NCKAP5: variants seen among roughly 807,000 people sequenced by gnomAD.
The protein encoded by NCKAP5 is nck-associated protein 5.
A neutral mutation model predicts 167.0 loss-of-function variants in NCKAP5; 92 were observed. The observed-to-expected ratio is 0.55, with a 90% CI of 0.47 to 0.66. The LOEUF (loss-of-function observed/expected upper bound fraction) is 0.66. NCKAP5 is among the 30% of genes least tolerant of loss of function. NCKAP5 has a pLI of 0.00. For missense variants in NCKAP5, 2,378 were observed against 2,315.0 expected (o/e 1.03, Z -0.56); for synonymous variants, 891 against 877.4 (o/e 1.02, Z -0.27).
chr2:133,032,660 G>A (rs1249092726), intron 6 of NCKAP5, among the ~76,000 whole-genome samples: 1 of 152,208 alleles, frequency 6.6e-6, no homozygotes, highest in Non-Finnish European at 1.5e-5. Flanking sequence ...TCTCGGGCGA[G>A]ACCCAGTGCT....
chr2:133,280,236 C>T (rs2150458902), intron 4 of NCKAP5, among the ~76,000 whole-genome samples: 1 of 152,146 alleles, frequency 6.6e-6, no homozygotes, highest in East Asian at 1.9e-4. Context: ...AAAGTTTGTC[C>T]AAATCCATCA....
chr2:133,504,870 A>G (rs925709083), intron 3 of NCKAP5, among the ~76,000 whole-genome samples: 2 of 151,912 alleles, frequency 1.3e-5, no homozygotes, highest in Non-Finnish European at 2.9e-5. Flanking sequence ...TTTTCCCCCT[A>G]TCGGAGCAAA....
At chr2:132,833,998 T>C (rs1334035339) in intron 11 of NCKAP5, among the ~76,000 whole-genome samples, 2 of 152,182 alleles carry the variant, frequency 1.3e-5, no homozygotes, top group African/African-American at 2.4e-5. Flanking sequence ...AATTAGATGA[T>C]TTTCTACTTG....
intron 8 of NCKAP5, among the ~76,000 whole-genome samples, chr2:132,954,083 G>A (rs2076272751): frequency 6.6e-6 from 1 of 152,182 alleles, no homozygotes; most frequent in South Asian, 2.1e-4. Context: ...TCTTGTTACA[G>A]CTGATTGTCC....
At chr2:133,438,941 A>C (rs1243490747) in intron 3 of NCKAP5, among the ~76,000 whole-genome samples, 1 of 152,220 alleles carries the variant, frequency 6.6e-6, no homozygotes, top group African/African-American at 2.4e-5. Flanking sequence ...GTGGATCAAC[A>C]CAGAAGTGTG....
intron 5 of NCKAP5, among the ~76,000 whole-genome samples, chr2:133,204,338 CA>C (rs1156388744): frequency 6.6e-6 from 1 of 152,144 alleles, no homozygotes; most frequent in Non-Finnish European, 1.5e-5. Flanking sequence ...TCTGCTTCAT[CA>C]AAACATTAAA....
rs914312787 is a variant in NCKAP5 at position 132,994,117 on chromosome 2, C to A, written c.429+35G>T. ...GAGAAATACAAGAAAAACAAGCAGA[C>A]CAGTACCCAGCCAAGAATAATAAAC... On this transcript the variant is annotated intron_variant, in intron 7 of 19. Coordinates refer to ENST00000409261, the MANE Select transcript of NCKAP5 (RefSeq NM_207363.3). The A allele has an allele frequency of 3.5e-6, 5 of 1,419,950 alleles. No individual in the cohort carries two copies. In the African/African-American group the frequency reaches 7.2e-5, roughly 20 times the overall value. The allele number at this position is 1,419,950 out of a possible 1,614,324, so 88.0% of individuals were successfully genotyped here.
At chr2:133,306,811 C>T (rs1245266087) in intron 3 of NCKAP5, among the ~76,000 whole-genome samples, 1 of 152,198 alleles carries the variant, frequency 6.6e-6, no homozygotes, top group South Asian at 2.1e-4. Flanking sequence ...GTCTATTTCT[C>T]AATATCTCAT....
intron 5 of NCKAP5, among the ~76,000 whole-genome samples, chr2:133,199,663 A>C (rs961602153): frequency 6.6e-6 from 1 of 152,046 alleles, no homozygotes; most frequent in African/African-American, 2.4e-5. Context: ...AGAATGGTTC[A>C]TTATTTTAAA....
At chr2:133,640,562 C>T in the NCKAP5 span, among the ~76,000 whole-genome samples, 1 of 152,168 alleles carries the variant, frequency 6.6e-6, no homozygotes, top group South Asian at 2.1e-4. Context: ...ATTCACTTTG[C>T]TCATTTTCTA....
intron 3 of NCKAP5, among the ~76,000 whole-genome samples, chr2:133,512,781 C>T (rs893323272): frequency 6.6e-6 from 1 of 152,124 alleles, no homozygotes; most frequent in Non-Finnish European, 1.5e-5. Context: ...CTTGGGTTGC[C>T]TCTTTTTTCT....
chr2:133,471,633 T>C (rs1294449813), intron 3 of NCKAP5, among the ~76,000 whole-genome samples: 1 of 152,162 alleles, frequency 6.6e-6, no homozygotes, highest in Non-Finnish European at 1.5e-5. Context: ...TGATAATTGC[T>C]TTCCAGGACC....
chr2:132,775,755 T>G (rs1047676986), intron 15 of NCKAP5, among the ~76,000 whole-genome samples: 2 of 152,192 alleles, frequency 1.3e-5, no homozygotes, highest in Non-Finnish European at 2.9e-5. Flanking sequence ...AATAATCCAC[T>G]GGGAGCCTTT....
intron 5 of NCKAP5, among the ~76,000 whole-genome samples, chr2:133,169,678 G>A (rs1177797498): frequency 3.9e-5 from 6 of 152,124 alleles, no homozygotes; most frequent in Non-Finnish European, 7.3e-5. Context: ...TGTGTGCGGC[G>A]AGCCCACACC....
At chr2:133,025,287 T>C (rs2078658405) in intron 6 of NCKAP5, among the ~76,000 whole-genome samples, 2 of 152,236 alleles carry the variant, frequency 1.3e-5, no homozygotes. Context: ...TAAATGCTAG[T>C]TGATACATAC....
chr2:132,811,984 C>G (rs1685911973), intron 11 of NCKAP5, among the ~76,000 whole-genome samples: 1 of 152,170 alleles, frequency 6.6e-6, no homozygotes, highest in African/African-American at 2.4e-5. Context: ...ACTCAGCTCT[C>G]TAAATTGACT....
intron 3 of NCKAP5, among the ~76,000 whole-genome samples, chr2:133,344,236 C>T (rs1431212831): frequency 1.3e-5 from 2 of 151,986 alleles, no homozygotes; most frequent in Non-Finnish European, 2.9e-5. Context: ...GGTGAAACCC[C>T]TGTCTCTACT....
intron 6 of NCKAP5, among the ~76,000 whole-genome samples, chr2:133,116,806 C>T (rs1164661732): frequency 2.6e-5 from 4 of 152,160 alleles, no homozygotes; most frequent in Non-Finnish European, 4.4e-5. Context: ...ATTGCTTAAC[C>T]TTTCTGGGCT....
chr2:132,873,096 A>T (rs973353774), intron 9 of NCKAP5, among the ~76,000 whole-genome samples: 15 of 152,034 alleles, frequency 9.9e-5, no homozygotes, highest in African/African-American at 3.4e-4. Context: ...TTAAGAAAAA[A>T]TTATTTTATT....
Sources: allele counts gnomAD v4.1 joint callset (sites outside exome capture counted in the v4.1 genomes callset), GRCh38; gene constraint gnomAD v4.1.1; transcripts MANE v1.5; gene names NCBI Gene and HGNC (gene_info 2026-07-23, HGNC 2026-07-21).